The following GRID2IP variants were observed in gnomAD, a reference collection of about 807,000 sequenced individuals.
GRID2IP encodes the protein delphilin.
In GRID2IP, 78 loss-of-function variants were observed where a neutral mutation model predicts 114.3. The ratio of observed to expected loss-of-function variants is 0.68; its 90% confidence interval spans 0.57 to 0.82. The LOEUF (loss-of-function observed/expected upper bound fraction) is 0.82. Among genes scored for constraint, GRID2IP ranks in the 40% least tolerant of loss-of-function variants. The probability of loss-of-function intolerance (pLI) is 0.00; values close to 1 mark genes in which losing one functional copy is unlikely to be tolerated. For synonymous variants in GRID2IP, 809 were observed against 724.0 expected, an observed-to-expected ratio of 1.12 and a Z score of -1.89; for missense variants, 1,727 against 1,678.5, an observed-to-expected ratio of 1.03 and a Z score of -0.51.
intron 14 of GRID2IP, among the ~76,000 whole-genome samples, chr7:6,505,548 G>C (rs978924876): frequency 6.6e-6 from 1 of 151,814 alleles, no homozygotes; most frequent in South Asian, 2.1e-4. Context: ...TTGTATTTTC[G>C]GTAGAGACAA....
At chr7:6,503,400 C>T (rs1004129005) in intron 16 of GRID2IP, 91 bp downstream of exon 16, 5 of 1,300,388 alleles carry the variant, frequency 3.8e-6, no homozygotes, top group Middle Eastern at 5.5e-4. Flanking sequence ...TGGCGGCCCC[C>T]GAAGGCGCGC....
Position 6,521,485 on chromosome 7 carries a change from C to T in GRID2IP, c.1028G>A (p.Gly343Asp), listed in dbSNP as rs1383284979. 6.5e-7 allele frequency: 1 copy of T among 1,549,812 alleles called. No homozygotes were observed. The highest frequency in any genetic ancestry group is 8.7e-7 in the Non-Finnish European group (1 of 1,146,188). The part of the protein sequence containing the change: ...SHDKVVSMLQ[G>D]SGAMPTLVVE... ...CACCAGCGTGGGCATGGCACCACTGCCCTGCAGCATGGACACCACCTTGTC... is the reference window on the plus strand; with the variant it reads ...CACCAGCGTGGGCATGGCACCACTGTCCTGCAGCATGGACACCACCTTGTC... The change falls in exon 6 of 22, where the codon GGC (glycine) becomes GAC (aspartate). Residue 343 changes from glycine (G) to aspartate (D), a missense_variant. Gly to Asp is a moderately conservative substitution (Grantham distance 94). Coordinates refer to ENST00000457091, the MANE Select transcript of GRID2IP (RefSeq NM_001145118.2). The surrounding 1 kb of genome is among the most constrained non-coding windows in gnomAD (Gnocchi z 4.1).
chr7:6,502,715 T>G lies in GRID2IP; in HGVS notation c.3150+71A>C. The G allele has an allele frequency of 3.6e-6, 4 of 1,116,984 alleles. No homozygotes were observed. The Middle Eastern group carries it at 8.8e-4, about 245-fold the overall frequency. 69.2% of individuals were successfully genotyped at this position (1,116,984 alleles called of 1,614,324 possible). On this transcript the variant is annotated intron_variant, in intron 18 of 21. Coordinates refer to ENST00000457091, the MANE Select transcript of GRID2IP (RefSeq NM_001145118.2). ...GTCCTCTTCTGCCCTCTGCCACAAC[T>G]GAGCTAGGCCTGGCGTTAGCGCCTT...
chr7:6,528,270 G>C lies in GRID2IP; in HGVS notation c.585-1501C>G, dbSNP rs1294126755. On this transcript the variant is annotated intron_variant, in intron 2 of 21. Transcript: ENST00000457091. The surrounding 1 kb of genome is among the most constrained non-coding windows in gnomAD (Gnocchi z 6.0). ...TGACTAGCCAGGGCTCAGCACATAG[G>C]AGAGACTCAGTCAACAGGAGATCCA... Among the ~76,000 whole-genome samples the C allele has an allele frequency of 6.6e-6, 1 of 152,126 alleles. No homozygotes were observed. Among genetic ancestry groups the C allele is most frequent in the East Asian group, 1.9e-4 (1 of 5,194 alleles).
chr7:6,514,572 T>C (rs1449292614), intron 7 of GRID2IP, 43 bp from the exon 8 acceptor site: 1 of 1,451,586 alleles, frequency 6.9e-7, no homozygotes, highest in Non-Finnish European at 9.1e-7. Flanking sequence ...ACTCACGGGC[T>C]TACCATGATG....
chr7:6,510,527 C>G (rs973315672), intron 10 of GRID2IP, 82 bp downstream of exon 10: 6 of 1,319,000 alleles, frequency 4.5e-6, no homozygotes, highest in East Asian at 2.7e-5. Flanking sequence ...ACGCCTTGGC[C>G]TGGGTCTCCT....
At position 6,536,873 on chromosome 7, in the gene GRID2IP, T is replaced by G; in HGVS notation, c.584+2845A>C. On this transcript the variant is annotated intron_variant, in intron 2 of 21. Coordinates refer to ENST00000457091, the MANE Select transcript of GRID2IP (RefSeq NM_001145118.2). This position sits in a 1 kb window ranked among gnomAD's most constrained non-coding sequence, Gnocchi z 5.3. ...GGCCTCTTTCGGTGGTGGTCGCCTA[T>G]GCTCCGCTGCAGAGCCGAGAGCTGC... 1 of 491,140 alleles carries G rather than the reference T, an allele frequency of 2.0e-6. No individual in the cohort carries two copies. The highest frequency in any genetic ancestry group is 2.4e-5 in the Admixed American group (1 of 41,714). The allele number at this position is 491,140 out of a possible 1,614,324, so 30.4% of individuals were successfully genotyped here.
intron 18 of GRID2IP, 79 bp from the exon 19 acceptor site, chr7:6,502,197 A>T: frequency 7.5e-7 from 1 of 1,330,996 alleles, no homozygotes; most frequent in South Asian, 1.3e-5. Flanking sequence ...CTCCTGGACT[A>T]CTGTGGCATC....
chr7:6,529,097 A>T (rs1165734808), intron 2 of GRID2IP, among the ~76,000 whole-genome samples: 3 of 152,134 alleles, frequency 2.0e-5, no homozygotes, highest in African/African-American at 7.2e-5. Flanking sequence ...CCAACCCTTG[A>T]GTCCAACCTG....
Position 6,534,624 on chromosome 7 carries a change from A to ATGTCAC in GRID2IP, c.584+5088_584+5093dup, listed in dbSNP as rs1246705051. 2.6e-5 allele frequency among the ~76,000 whole-genome samples: 4 copies of ATGTCAC among 152,326 alleles called. No individual in the cohort carries two copies. The East Asian group carries it at 7.7e-4, about 29-fold the overall frequency. On this transcript the variant is annotated intron_variant, in intron 2 of 21. Transcript: ENST00000457091. The surrounding 1 kb of genome is among the most constrained non-coding windows in gnomAD (Gnocchi z 4.5). ...GTCCTGTACGGTAGCCGCTAGCCAT[A>ATGTCAC]TGTCACTGTCACTGTTGTGTGCTTG...
chr7:6,510,556 C>A, intron 10 of GRID2IP, 53 bp downstream of exon 10: 2 of 1,404,138 alleles, frequency 1.4e-6, no homozygotes, highest in Non-Finnish European at 1.9e-6. Context: ...TCCTATGGAC[C>A]GTCCATTCCC....
chr7:6,540,488 A>T (rs911093770), intron 1 of GRID2IP, among the ~76,000 whole-genome samples: 19 of 151,216 alleles, frequency 1.3e-4, no homozygotes, highest in African/African-American at 4.6e-4. Flanking sequence ...CATTTTATTT[A>T]TTTATTTTAA....
At chr7:6,505,976 C>T (rs1389276968) in intron 13 of GRID2IP, 69 bp from the exon 14 acceptor site, 2 of 1,106,088 alleles carry the variant, frequency 1.8e-6, no homozygotes, top group Non-Finnish European at 1.3e-6. Context: ...CCACTTCCCA[C>T]CCTCTGAGGG....
In GRID2IP at chr7:6,526,335, G is replaced by C; in HGVS notation, c.834-26C>G. 1 of 1,545,066 alleles carries C rather than the reference G, an allele frequency of 6.5e-7. No homozygotes were observed. Among genetic ancestry groups the C allele is most frequent in the South Asian group, 1.2e-5 (1 of 83,920 alleles). ...CTGGGGGAAAAAGAAGGGGCGAGCA[G>C]CATGATGGAGAGGGGGCCCTGGGGC... On this transcript the variant is annotated intron_variant, in intron 3 of 21. Transcript: ENST00000457091. The surrounding 1 kb of genome is among the most constrained non-coding windows in gnomAD (Gnocchi z 7.6).
rs1023379815 is a variant in GRID2IP, at chr7:6,532,284, C to G, written c.585-5515G>C. On this transcript the variant is annotated intron_variant, in intron 2 of 21. Transcript: ENST00000457091. The surrounding 1 kb of genome is among the most constrained non-coding windows in gnomAD (Gnocchi z 4.4). The stretch of plus-strand genomic sequence containing the variant: ...AGGGGCTCTTCAGGGGCACCCCCAA[C>G]CAGAACATCAGCATGAAGCCCTCTC... Among the ~76,000 whole-genome samples, 4 of 152,114 alleles carry G rather than the reference C, an allele frequency of 2.6e-5. No homozygotes were observed. The highest frequency in any genetic ancestry group is 5.9e-5 in the Non-Finnish European group (4 of 68,016).
chr7:6,526,803 C>T lies in GRID2IP; in HGVS notation c.585-34G>A. 6.8e-7 allele frequency: 1 copy of T among 1,474,342 alleles called. No individual in the cohort carries two copies. Among genetic ancestry groups the T allele is most frequent in the Non-Finnish European group, 9.0e-7 (1 of 1,115,154 alleles). 91.3% of individuals were successfully genotyped at this position (1,474,342 alleles called of 1,614,324 possible). On this transcript the variant is annotated intron_variant, in intron 2 of 21. Transcript: ENST00000457091. This position sits in a 1 kb window ranked among gnomAD's most constrained non-coding sequence, Gnocchi z 7.6. ...GAGGACGGCGGAGTCGGGGCGCGTT[C>T]CCGGACCCCGGATCTCTGCAAACCG... is the stretch of plus-strand genomic sequence containing the variant.
Position 6,509,062 on chromosome 7 carries a change from G to C in GRID2IP, c.2023C>G (p.Arg675Gly), listed in dbSNP as rs1228629660. 7.2e-7 allele frequency: 1 copy of C among 1,382,198 alleles called. No individual in the cohort carries two copies. The highest frequency in any genetic ancestry group is 2.2e-5 in the Admixed American group (1 of 45,230). The allele number at this position is 1,382,198 out of a possible 1,614,324, so 85.6% of individuals were successfully genotyped here. The change falls in exon 12 of 22, where the codon CGA becomes GGA. Residue 675 changes from arginine to glycine, a missense_variant. Arg to Gly is a moderately radical substitution (Grantham distance 125, BLOSUM62 -2). Coordinates refer to ENST00000457091, the MANE Select transcript of GRID2IP (RefSeq NM_001145118.2). This position sits in a 1 kb window ranked among gnomAD's most constrained non-coding sequence, Gnocchi z 4.9. The part of the protein sequence containing the change: ...RKLFTFSHPV[R>G]SRDTDRFLDV... ...AGGAAGCGGTCAGTATCGCGGCTTCGCACAGGGTGGGAGAAGGTGAAGAGC... is the reference window on the plus strand; with the variant it reads ...AGGAAGCGGTCAGTATCGCGGCTTCCCACAGGGTGGGAGAAGGTGAAGAGC...
In GRID2IP at chr7:6,506,679, G is replaced by GTTTTTTTTTTT. The variant is rs750118370; in HGVS notation, c.2545-773_2545-772insAAAAAAAAAAA. On this transcript the variant is annotated intron_variant, in intron 13 of 21. Transcript: ENST00000457091. This position sits in a 1 kb window ranked among gnomAD's most constrained non-coding sequence, Gnocchi z 5.2. ...TTATTTGTGCCCTTGTCTCACTGAG[G>GTTTTTTTTTTT]TATTTTTTTTTTTTTTTTTTTAGAT... Among the ~76,000 whole-genome samples the GTTTTTTTTTTT allele has an allele frequency of 3.1e-5, 4 of 127,294 alleles. 1 individual carries two copies. The allele number at this position is 127,294 out of a possible 152,430, so 83.5% of individuals were successfully genotyped here.
At chr7:6,522,807 A>ATGTG (rs72277817) in intron 4 of GRID2IP, among the ~76,000 whole-genome samples, 2,990 of 147,656 alleles carry the variant, frequency 0.02, 67 homozygotes, top group Non-Finnish European at 0.021. Flanking sequence ...CCTGGCTAAT[A>ATGTG]TGTGTGTGTG....
Sources: allele counts gnomAD v4.1 joint callset (sites outside exome capture counted in the v4.1 genomes callset), GRCh38; gene constraint gnomAD v4.1.1; non-coding constraint Gnocchi (gnomAD v3.1); transcripts MANE v1.5; gene names NCBI Gene and HGNC (gene_info 2026-07-23, HGNC 2026-07-21).